PPP1R21: variants seen among roughly 807,000 people sequenced by gnomAD.
PPP1R21 encodes the protein KLRAQ motif containing 1.
Under a neutral mutation model 112.8 loss-of-function variants are expected in PPP1R21, and 85 were observed. The ratio of observed to expected loss-of-function variants is 0.75; its 90% CI spans 0.63 to 0.90. PPP1R21 has a LOEUF of 0.90. PPP1R21 is among the 40% of genes least tolerant of loss of function. The pLI is 0.00. For synonymous variants in PPP1R21, 381 were observed against 322.3 expected (o/e 1.18, Z -1.95); for missense variants, 1,199 against 901.5 (o/e 1.33, Z -4.23).
At chr2:48,449,237 T>A (rs1265083915) in intron 1 of PPP1R21, among the ~76,000 whole-genome samples, 2 of 152,214 alleles carry the variant, frequency 1.3e-5, no homozygotes, top group African/African-American at 4.8e-5. Flanking sequence ...GAGCTCTGTT[T>A]CCATTTGTGG....
chr2:48,513,772 T>C (rs1023374111), intron 21 of PPP1R21, among the ~76,000 whole-genome samples: 1 of 152,172 alleles, frequency 6.6e-6, no homozygotes, highest in South Asian at 2.1e-4. Context: ...AAGCATTTCT[T>C]CCATGAAGAA....
In PPP1R21 at chr2:48,474,746, G is replaced by T. The variant is rs1668675511; in HGVS notation, c.1152G>T (p.Leu384=). ...TSALRARNLE[L]SQDMKKMTAV... ...CGTTAAGAGCCAGGAATCTAGAGCT[G>T]TCCCAGGACATGAAAAAAATGACAG... The change falls in exon 12 of 22, where the codon CTG becomes CTT. Residue 384 remains leucine (L), a synonymous_variant. Transcript: ENST00000294952. 2 of 1,613,512 alleles carry T rather than the reference G, an allele frequency of 1.2e-6. No individual in the cohort carries two copies. Among genetic ancestry groups the T allele is most frequent in the African/African-American group, 1.3e-5 (1 of 75,024 alleles).
Position 48,459,813 on chromosome 2 carries a change from C to T in PPP1R21, c.435C>T (p.Ala145=), listed in dbSNP as rs1572841086. ...AAGCAGAGCTGAGGAGTCGACTGGC[C>T]ACTCTGGAGACAGAAGCAGCCCAGC... ...HVEAELRSRL[A]TLETEAAQHQ... The change falls in exon 5 of 22, where the codon GCC becomes GCT. Residue 145 remains alanine (A), a synonymous_variant. Coordinates refer to ENST00000294952, the MANE Select transcript of PPP1R21 (RefSeq NM_001135629.3). 2 of 1,614,068 alleles carry T rather than the reference C, an allele frequency of 1.2e-6. No individual in the cohort carries two copies. Among genetic ancestry groups the T allele is most frequent in the East Asian group, 2.2e-5 (1 of 44,884 alleles).
chr2:48,456,252 CTTTT>C (rs778594245), intron 3 of PPP1R21, among the ~76,000 whole-genome samples: 1 of 130,376 alleles, frequency 7.7e-6, no homozygotes, highest in Non-Finnish European at 1.7e-5. Flanking sequence ...GATTGCTGCT[CTTTT>C]TTTTTTTTTT....
At chr2:48,504,433 G>A (rs1670277889) in intron 17 of PPP1R21, among the ~76,000 whole-genome samples, 1 of 152,114 alleles carries the variant, frequency 6.6e-6, no homozygotes, top group Non-Finnish European at 1.5e-5. Context: ...ACGAGGTCAG[G>A]AGTTCAAGAC....
intron 16 of PPP1R21, among the ~76,000 whole-genome samples, chr2:48,497,866 T>C (rs960244881): frequency 2.6e-5 from 4 of 152,110 alleles, no homozygotes; most frequent in African/African-American, 9.7e-5. Flanking sequence ...TTAGCCAGGA[T>C]GGTCTCGATC....
At chr2:48,461,713 C>G (rs1667985866) in intron 7 of PPP1R21, among the ~76,000 whole-genome samples, 1 of 152,064 alleles carries the variant, frequency 6.6e-6, no homozygotes, top group African/African-American at 2.4e-5. Context: ...CCAGGAACAA[C>G]AAAAAGTTAA....
chr2:48,508,778 C>G (rs2103670985), intron 19 of PPP1R21, among the ~76,000 whole-genome samples: 1 of 152,334 alleles, frequency 6.6e-6, no homozygotes, highest in Non-Finnish European at 1.5e-5. Context: ...GTTGGCTGAA[C>G]TGCCCTAAAA....
At chr2:48,483,875 G>A (rs1452267191) in intron 13 of PPP1R21, among the ~76,000 whole-genome samples, 2 of 151,652 alleles carry the variant, frequency 1.3e-5, no homozygotes, top group African/African-American at 2.4e-5. Context: ...TTTTATAGAG[G>A]TGGGGTCCTT....
At chr2:48,502,871 G>A (rs1670187431) in intron 17 of PPP1R21, among the ~76,000 whole-genome samples, 3 of 151,822 alleles carry the variant, frequency 2.0e-5, no homozygotes, top group East Asian at 1.9e-4. Context: ...TAGTAGAGAC[G>A]GGGTTTCACT....
Position 48,498,587 on chromosome 2 carries a change from A to G in PPP1R21, c.1787A>G (p.Glu596Gly), listed in dbSNP as rs1371388355. The G allele has an allele frequency of 8.1e-6, 13 of 1,614,150 alleles. No homozygotes were observed. Among genetic ancestry groups the G allele is most frequent in the Non-Finnish European group, 1.0e-5 (12 of 1,180,052 alleles). ...AQLAKIKLEK[E>G]NQRIADKLKN... ...TTAGCCAAAATCAAGCTAGAGAAAGAAAACCAGCGAATTGCAGATAAGCTG... is the reference window on the plus strand; with the variant it reads ...TTAGCCAAAATCAAGCTAGAGAAAGGAAACCAGCGAATTGCAGATAAGCTG... The change falls in exon 17 of 22, where the codon GAA becomes GGA. Residue 596 changes from glutamate to glycine, a missense_variant. By Grantham distance (98) the Glu-to-Gly change is moderately conservative. Coordinates refer to ENST00000294952, the MANE Select transcript of PPP1R21 (RefSeq NM_001135629.3).
intron 16 of PPP1R21, among the ~76,000 whole-genome samples, chr2:48,497,810 C>A (rs1205219825): frequency 2.0e-5 from 3 of 152,028 alleles, no homozygotes; most frequent in Non-Finnish European, 4.4e-5. Flanking sequence ...CGCCGCCACA[C>A]CTGGCTAATT....
intron 12 of PPP1R21, chr2:48,479,358 A>G (rs923622507): frequency 2.5e-6 from 1 of 393,370 alleles, no homozygotes; most frequent in Non-Finnish European, 5.2e-6. Context: ...CTTGGTTTAA[A>G]TACCGTAGCC....
At chr2:48,486,296 A>C (rs1327875475) in intron 13 of PPP1R21, among the ~76,000 whole-genome samples, 2 of 152,294 alleles carry the variant, frequency 1.3e-5, no homozygotes, top group East Asian at 3.9e-4. Context: ...CTGTTACACT[A>C]TCAAAACAGT....
At chr2:48,504,156 A>T (rs2103654801) in intron 17 of PPP1R21, among the ~76,000 whole-genome samples, 1 of 152,278 alleles carries the variant, frequency 6.6e-6, no homozygotes, top group African/African-American at 2.4e-5. Flanking sequence ...TATTCCAAGC[A>T]ATTTTTCACT....
chr2:48,441,353 A>G, intron 1 of PPP1R21: 1 of 367,662 alleles, frequency 2.7e-6, no homozygotes, highest in Admixed American at 5.3e-5. Context: ...ACCACTCCTC[A>G]CCTCGCTGCT....
chr2:48,453,718 T>G (rs1169603414), intron 2 of PPP1R21, among the ~76,000 whole-genome samples: 1 of 152,230 alleles, frequency 6.6e-6, no homozygotes, highest in Non-Finnish European at 1.5e-5. Flanking sequence ...ATTTTAGATT[T>G]TGTTTCTATT....
intron 9 of PPP1R21, among the ~76,000 whole-genome samples, chr2:48,468,818 A>C (rs1256198295): frequency 3.3e-5 from 4 of 120,750 alleles, no homozygotes; most frequent in African/African-American, 9.5e-5. Context: ...CTGTCTCAAG[A>C]AAAAAAATGT....
chr2:48,441,344 C>G, intron 1 of PPP1R21: 1 of 390,182 alleles, frequency 2.6e-6, no homozygotes, highest in South Asian at 2.7e-5. Context: ...AAGGTGTGGA[C>G]CACTCCTCAC....
Sources: allele counts gnomAD v4.1 joint callset (sites outside exome capture counted in the v4.1 genomes callset), GRCh38; gene constraint gnomAD v4.1.1; transcripts MANE v1.5; gene names NCBI Gene and HGNC (gene_info 2026-07-23, HGNC 2026-07-21).